Variants in DPP10 observed in about 807,000 individuals in gnomAD.
The protein encoded by DPP10 is dipeptidyl peptidase like 10.
In DPP10, 33 loss-of-function variants were observed where a neutral mutation model predicts 120.9. That is an observed-to-expected ratio of 0.27 (90% CI 0.21 to 0.37). The LOEUF is 0.37. DPP10 is among the 10% of genes least tolerant of loss of function. The pLI is 1.00. For missense variants in DPP10, 816 were observed against 942.8 expected (o/e 0.87, Z 1.76); for synonymous variants, 337 against 326.1 (o/e 1.03, Z -0.36).
intron 5 of DPP10, among the ~76,000 whole-genome samples, chr2:115,603,560 G>GTGT (rs1553459799): frequency 1.6e-5 from 2 of 126,434 alleles, no homozygotes; most frequent in East Asian, 5.0e-4. Context: ...CGTTGTTGTT[G>GTGT]TTTTTTTTTG....
intron 19 of DPP10, among the ~76,000 whole-genome samples, chr2:115,793,221 CAGGT>C (rs1374245709): frequency 1.4e-4 from 21 of 152,008 alleles, no homozygotes; most frequent in Non-Finnish European, 2.5e-4. Context: ...GTTTTGGAGT[CAGGT>C]AGGACTGGGT....
At chr2:114,580,917 G>A (rs78052436) in intron 1 of DPP10, among the ~76,000 whole-genome samples, 9,124 of 152,042 alleles carry the variant, frequency 0.06, 890 homozygotes, top group African/African-American at 0.21. Flanking sequence ...CCGAGGCCAT[G>A]CTTTGCTTTG....
intron 17 of DPP10, among the ~76,000 whole-genome samples, chr2:115,789,600 G>A (rs1683720349): frequency 6.6e-6 from 1 of 152,174 alleles, no homozygotes; most frequent in Admixed American, 6.5e-5. Flanking sequence ...GTGCAACATT[G>A]TGGTAGAGGA....
At position 114,913,006 on chromosome 2, in the gene DPP10, C is replaced by G. The variant is rs148783844; in HGVS notation, c.61-396233C>G. Among the ~76,000 whole-genome samples the G allele has an allele frequency of 2.6e-3, 399 of 152,304 alleles. 1 individual carries two copies. The highest frequency in any genetic ancestry group is 9.2e-3 in the African/African-American group (383 of 41,556). On this transcript the variant is annotated intron_variant, in intron 1 of 25. Coordinates refer to ENST00000410059, the MANE Select transcript of DPP10 (RefSeq NM_020868.6). ...CTAAACTTGGACAGAACAGTGCTATCTTGTCCATGGGATGTGGCCAATATG... is the reference window on the plus strand; with the variant it reads ...CTAAACTTGGACAGAACAGTGCTATGTTGTCCATGGGATGTGGCCAATATG...
chr2:115,000,461 T>C (rs1701366918), intron 1 of DPP10, among the ~76,000 whole-genome samples: 1 of 152,152 alleles, frequency 6.6e-6, no homozygotes, highest in South Asian at 2.1e-4. Context: ...AAAACAAATC[T>C]AGTTAATTCA....
chr2:114,687,991 T>C (rs1048754434), intron 1 of DPP10, among the ~76,000 whole-genome samples: 12 of 152,150 alleles, frequency 7.9e-5, no homozygotes, highest in South Asian at 2.1e-4. Context: ...AAACAAAACA[T>C]TTCTCCACTT....
intron 13 of DPP10, among the ~76,000 whole-genome samples, chr2:115,771,293 C>T (rs1681438447): frequency 6.6e-6 from 1 of 151,924 alleles, no homozygotes; most frequent in Admixed American, 6.6e-5. Context: ...AGGCTGGTCT[C>T]GAACTTCTGA....
At chr2:115,633,765 G>A (rs2086090523) in intron 5 of DPP10, among the ~76,000 whole-genome samples, 1 of 152,000 alleles carries the variant, frequency 6.6e-6, no homozygotes, top group Non-Finnish European at 1.5e-5. Flanking sequence ...GTGTCTTGGG[G>A]TTGATCTTCT....
At chr2:115,107,921 C>G (rs2049028354) in intron 1 of DPP10, among the ~76,000 whole-genome samples, 1 of 151,874 alleles carries the variant, frequency 6.6e-6, no homozygotes, top group Admixed American at 6.6e-5. Flanking sequence ...CATCAAATAA[C>G]CTTTATTTTT....
chr2:115,844,037 C>T lies in DPP10; in HGVS notation c.*1692C>T, dbSNP rs991158645. The stretch of plus-strand genomic sequence containing the variant: ...ACTTTTTCCCTGGATGCTTTGGAAT[C>T]GTGTCTTCCATGCTCCACTGGGTTC... On this transcript the variant is annotated 3_prime_UTR_variant, in exon 26 of 26. Coordinates refer to ENST00000410059, the MANE Select transcript of DPP10 (RefSeq NM_020868.6). The T allele has an allele frequency of 2.0e-5, 3 of 152,550 alleles. No individual in the cohort carries two copies. Among genetic ancestry groups the T allele is most frequent in the Non-Finnish European group, 2.9e-5 (2 of 68,008 alleles). The allele number at this position is 152,550 out of a possible 1,614,324, so 9.4% of individuals were successfully genotyped here. A position where few individuals can be genotyped will look rare whatever the true frequency, so the allele number is the denominator to read the frequency against.
In DPP10 at chr2:115,343,750, T is replaced by C. The variant is rs533958170; in HGVS notation, c.176-67T>C. On this transcript the variant is annotated intron_variant, in intron 2 of 25. Transcript: ENST00000410059. ...ATTTTAGAGCAAATATTCCAAATTTTGTAATTTGCTCCTTTTAAAAAACAA... is the reference window on the plus strand; with the variant it reads ...ATTTTAGAGCAAATATTCCAAATTTCGTAATTTGCTCCTTTTAAAAAACAA... 1.7e-5 allele frequency: 18 copies of C among 1,062,966 alleles called. No homozygotes were observed. In the South Asian group the frequency reaches 2.3e-4, roughly 13 times the overall value. The allele number at this position is 1,062,966 out of a possible 1,614,324, so 65.8% of individuals were successfully genotyped here.
At chr2:115,289,611 A>G (rs559698871) in intron 1 of DPP10, among the ~76,000 whole-genome samples, 2 of 152,252 alleles carry the variant, frequency 1.3e-5, no homozygotes, top group Non-Finnish European at 2.9e-5. Flanking sequence ...CTACCAGACT[A>G]TAGTAACCAA....
intron 1 of DPP10, among the ~76,000 whole-genome samples, chr2:115,031,896 C>A (rs1354824612): frequency 2.6e-5 from 4 of 152,124 alleles, no homozygotes; most frequent in Non-Finnish European, 5.9e-5. Context: ...ACAGACCACT[C>A]ATCCTATATA....
chr2:115,792,655 C>A (rs1350336237), intron 19 of DPP10, among the ~76,000 whole-genome samples: 1 of 151,792 alleles, frequency 6.6e-6, no homozygotes, highest in Non-Finnish European at 1.5e-5. Flanking sequence ...TACCTAGTTT[C>A]TTCTGGTCTA....
At chr2:115,215,334 A>G (rs1359237899) in intron 1 of DPP10, among the ~76,000 whole-genome samples, 1 of 152,228 alleles carries the variant, frequency 6.6e-6, no homozygotes, top group African/African-American at 2.4e-5. Context: ...TTTGACCAAT[A>G]TGATTAACAT....
At chr2:115,588,214 T>A (rs1280375357) in intron 5 of DPP10, among the ~76,000 whole-genome samples, 1 of 152,186 alleles carries the variant, frequency 6.6e-6, no homozygotes, top group African/African-American at 2.4e-5. Flanking sequence ...GTGTAAGAAA[T>A]ATTTACAGGC....
At chr2:115,552,507 C>T (rs931465271) in intron 5 of DPP10, among the ~76,000 whole-genome samples, 10 of 152,056 alleles carry the variant, frequency 6.6e-5, no homozygotes, top group African/African-American at 1.4e-4. Flanking sequence ...GCTGTTCATT[C>T]TGTAGGTTTT....
chr2:115,384,707 AAAGAAG>A lies in DPP10; in HGVS notation c.271+40818_271+40823del, dbSNP rs139572526. Among the ~76,000 whole-genome samples the A allele has an allele frequency of 3.4e-3, 511 of 148,548 alleles. 1 individual carries two copies. The highest frequency in any genetic ancestry group is 9.0e-3 in the African/African-American group (355 of 39,546). Reference sequence around the variant, plus strand: ...AGGAAGAAGAAGAAAAAGAAAGAAGAAAGAAGAAGAAGAAGAAGAAGAAGAAGAGAA... The same window carrying A: ...AGGAAGAAGAAGAAAAAGAAAGAAGAAAGAAGAAGAAGAAGAAGAAGAGAA... On this transcript the variant is annotated intron_variant, in intron 3 of 25. Coordinates refer to ENST00000410059, the MANE Select transcript of DPP10 (RefSeq NM_020868.6).
At chr2:115,404,144 C>T (rs999336177) in intron 3 of DPP10, among the ~76,000 whole-genome samples, 9 of 152,038 alleles carry the variant, frequency 5.9e-5, no homozygotes, top group East Asian at 5.8e-4. Context: ...ACAGGCTGTA[C>T]GTAAAGCATG....
Sources: allele counts gnomAD v4.1 joint callset (sites outside exome capture counted in the v4.1 genomes callset), GRCh38; gene constraint gnomAD v4.1.1; transcripts MANE v1.5; gene names NCBI Gene and HGNC (gene_info 2026-07-23, HGNC 2026-07-21).